Variants in BAG4 observed in about 807,000 individuals in gnomAD.
BAG4 encodes the protein BAG cochaperone 4, also known as BAG family molecular chaperone regulator 4.
In BAG4, 28 loss-of-function variants were observed where a neutral mutation model predicts 52.1. The ratio of observed to expected loss-of-function variants is 0.54; its 90% CI spans 0.40 to 0.74. BAG4 has a LOEUF of 0.74. Ranked by LOEUF, BAG4 falls within the 30% of genes least tolerant of loss-of-function variation. The probability of loss-of-function intolerance (pLI) is 0.00; values close to 1 mark genes in which losing one functional copy is unlikely to be tolerated. For synonymous variants in BAG4, 208 were observed against 217.0 expected, an observed-to-expected ratio of 0.96 and a Z score of 0.37; for missense variants, 525 against 572.0, an observed-to-expected ratio of 0.92 and a Z score of 0.84.
intron 1 of BAG4, among the ~76,000 whole-genome samples, chr8:38,181,089 C>T (rs1391780542): frequency 2.6e-5 from 4 of 151,836 alleles, no homozygotes; most frequent in Non-Finnish European, 5.9e-5. Context: ...TACAGGCACC[C>T]GCCACCACGC....
chr8:38,197,120 TG>T (rs1415737417), intron 2 of BAG4, among the ~76,000 whole-genome samples: 3 of 152,144 alleles, frequency 2.0e-5, no homozygotes, highest in Non-Finnish European at 4.4e-5. Flanking sequence ...AAAATTGGGT[TG>T]TCTTTTTATT....
chr8:38,201,849 TATA>T (rs1803668379), intron 2 of BAG4: 5 of 6,356 alleles, frequency 7.9e-4, no homozygotes, highest in Non-Finnish European at 1.4e-3. Flanking sequence ...TATATATATA[TATA>T]TATATATATA....
rs1448891748 is a variant in BAG4, at chr8:38,210,234, C to T, written c.1115C>T (p.Ser372Leu). The T allele has an allele frequency of 6.2e-7, 1 of 1,614,096 alleles. No individual in the cohort carries two copies. Among genetic ancestry groups the T allele is most frequent in the Admixed American group, 1.7e-5 (1 of 60,004 alleles). ...AGTCTTCCTGAAGAATGTGTACCTT[C>T]AGATGAAAGTACTCCTCCGAGTATT... The part of the protein sequence containing the change: ...SSSLPEECVP[S>L]DESTPPSIKK... The change falls in exon 5 of 5, where the codon TCA (serine) becomes TTA (leucine). Residue 372 changes from serine (S) to leucine (L), a missense_variant. Transcript: ENST00000287322.
rs541957714 is a variant in BAG4 at position 38,189,068 on chromosome 8, G to A, written c.271-3620G>A. Among the ~76,000 whole-genome samples, 113 of 150,894 alleles carry A rather than the reference G, an allele frequency of 7.5e-4. 1 individual carries two copies. Among genetic ancestry groups the A allele is most frequent in the Admixed American group, 5.6e-3 (84 of 15,024 alleles). On this transcript the variant is annotated intron_variant, in intron 1 of 4. Transcript: ENST00000287322. Reference sequence around the variant, plus strand: ...TGCTTCCTGGGTTCAAGCAATTCTCGTGCCTCAGCCTCCTGAGTAGCTGCC... The same window carrying A: ...TGCTTCCTGGGTTCAAGCAATTCTCATGCCTCAGCCTCCTGAGTAGCTGCC...
At position 38,210,072 on chromosome 8, in the gene BAG4, T is replaced by A; in HGVS notation, c.953T>A (p.Val318Asp). Residue 318 changes from valine to aspartate, a missense_variant, in exon 5 of 5, where the codon GTC (valine) becomes GAC (aspartate). Around this residue, in one of 2 missense-constraint regions of BAG4, gnomAD observed 238 missense variants for 305.8 expected, o/e 0.78. Transcript: ENST00000287322. ...AACCGGCACAACTTTCCTTGCAGTGTCCATCAGTACGAATCCTCGGGGACA... is the reference window on the plus strand; with the variant it reads ...AACCGGCACAACTTTCCTTGCAGTGACCATCAGTACGAATCCTCGGGGACA... ...SMNRHNFPCS[V>D]HQYESSGTVN... The A allele has an allele frequency of 6.2e-7, 1 of 1,614,184 alleles. No individual in the cohort carries two copies. The highest frequency in any genetic ancestry group is 8.5e-7 in the Non-Finnish European group (1 of 1,180,030).
intron 2 of BAG4, 106 bp from the exon 3 acceptor site, chr8:38,207,406 T>G: frequency 7.8e-7 from 1 of 1,276,208 alleles, no homozygotes; most frequent in Non-Finnish European, 1.1e-6. Flanking sequence ...CTGGCCTGCA[T>G]TAGTGATTAA....
intron 1 of BAG4, among the ~76,000 whole-genome samples, chr8:38,189,963 T>C (rs1803445510): frequency 6.6e-6 from 1 of 152,106 alleles, no homozygotes; most frequent in Admixed American, 6.6e-5. Context: ...TTTTTTGTAT[T>C]TTTAGTAGAG....
chr8:38,204,872 A>C (rs1803741999), intron 2 of BAG4, among the ~76,000 whole-genome samples: 2 of 152,136 alleles, frequency 1.3e-5, no homozygotes, highest in Admixed American at 1.3e-4. Context: ...TAAATACCTA[A>C]GTATGTTTCT....
At chr8:38,204,540 C>T (rs1438573687) in intron 2 of BAG4, among the ~76,000 whole-genome samples, 2 of 151,806 alleles carry the variant, frequency 1.3e-5, no homozygotes, top group Non-Finnish European at 2.9e-5. Context: ...TGGTATAATC[C>T]CAGCACTTTG....
At chr8:38,198,466 A>G (rs115130953) in intron 2 of BAG4, among the ~76,000 whole-genome samples, 2,566 of 141,194 alleles carry the variant, frequency 0.018, 69 homozygotes, top group African/African-American at 0.064. Flanking sequence ...CCTGTTTTTA[A>G]GGTTTTTTTG....
chr8:38,183,680 AT>A (rs571609602), intron 1 of BAG4, among the ~76,000 whole-genome samples: 9 of 149,606 alleles, frequency 6.0e-5, no homozygotes, highest in Admixed American at 1.3e-4. Context: ...TAATCTATTG[AT>A]TTTTTTTTTC....
At chr8:38,190,600 A>AT (rs540081789) in intron 1 of BAG4, among the ~76,000 whole-genome samples, 30,530 of 130,914 alleles carry the variant, frequency 0.23, 3,428 homozygotes, top group East Asian at 0.38. Context: ...CCCACCTGAC[A>AT]TTTTTTTTTT....
intron 2 of BAG4, 91 bp from the exon 3 acceptor site, chr8:38,207,421 T>C: frequency 7.1e-7 from 1 of 1,403,480 alleles, no homozygotes; most frequent in Non-Finnish European, 9.7e-7. Flanking sequence ...GATTAACATC[T>C]TCTCAAAGTT....
chr8:38,207,294 G>T (rs1008705714), intron 2 of BAG4, among the ~76,000 whole-genome samples: 1 of 151,918 alleles, frequency 6.6e-6, no homozygotes, highest in Non-Finnish European at 1.5e-5. Flanking sequence ...TAGAAACAGG[G>T]TCTCACTATG....
At chr8:38,181,279 G>A (rs1245543720) in intron 1 of BAG4, among the ~76,000 whole-genome samples, 1 of 145,120 alleles carries the variant, frequency 6.9e-6, no homozygotes, top group Non-Finnish European at 1.5e-5. Flanking sequence ...TTTTTGCCCA[G>A]GCTGGAGCGC....
At chr8:38,196,764 TGTTTGGAGAAATGTCTATTTA>T (rs1803567432) in intron 2 of BAG4, among the ~76,000 whole-genome samples, 1 of 151,740 alleles carries the variant, frequency 6.6e-6, no homozygotes, top group South Asian at 2.1e-4. Flanking sequence ...TTGTATATCT[TGTTTGGAGAAATGTCTATTTA>T]GATTCTTTGG....
chr8:38,207,026 C>T (rs1321673223), intron 2 of BAG4, among the ~76,000 whole-genome samples: 2 of 148,574 alleles, frequency 1.3e-5, no homozygotes, highest in African/African-American at 5.0e-5. Flanking sequence ...GATCTTGGCT[C>T]ACTGCAACCT....
At chr8:38,196,144 C>A (rs1293025345) in intron 2 of BAG4, among the ~76,000 whole-genome samples, 1 of 152,114 alleles carries the variant, frequency 6.6e-6, no homozygotes, top group Non-Finnish European at 1.5e-5. Context: ...CTGCTACAAC[C>A]TTCATGTACA....
intron 1 of BAG4, among the ~76,000 whole-genome samples, chr8:38,188,207 C>T (rs1803400331): frequency 1.3e-5 from 2 of 151,000 alleles, no homozygotes; most frequent in South Asian, 2.1e-4. Context: ...ACACATGAGA[C>T]ATATAAAAAA....
Sources: allele counts gnomAD v4.1 joint callset (sites outside exome capture counted in the v4.1 genomes callset), GRCh38; gene constraint gnomAD v4.1.1; regional missense constraint gnomAD v4.1.1; transcripts MANE v1.5; gene names NCBI Gene and HGNC (gene_info 2026-07-23, HGNC 2026-07-21).